Variants in CADM2 observed in about 807,000 individuals in gnomAD.
CADM2 encodes the protein cell adhesion molecule 2.
CADM2 carries 12 observed loss-of-function variants against 49.8 expected under a neutral mutation model. The ratio of observed to expected loss-of-function variants is 0.24; its 90% CI spans 0.15 to 0.39. CADM2 has a LOEUF of 0.39. Ranked by LOEUF, CADM2 falls within the 10% of genes least tolerant of loss-of-function variation. The pLI is 1.00. For missense variants in CADM2, 378 were observed against 492.3 expected (o/e 0.77, Z 2.20); for synonymous variants, 214 against 175.4 (o/e 1.22, Z -1.74).
At chr3:85,602,174 C>G (rs2063425541) in intron 1 of CADM2, among the ~76,000 whole-genome samples, 2 of 151,712 alleles carry the variant, frequency 1.3e-5, no homozygotes, top group Admixed American at 6.6e-5. Flanking sequence ...ACGGTTGAAG[C>G]TTTAAATAAA....
chr3:85,509,184 AAGTTCTT>A (rs2106826773), intron 1 of CADM2, among the ~76,000 whole-genome samples: 1 of 152,230 alleles, frequency 6.6e-6, no homozygotes, highest in South Asian at 2.1e-4. Flanking sequence ...AAACTTACCT[AAGTTCTT>A]TCCAATCTTA....
chr3:85,512,077 A>T (rs780912453), intron 1 of CADM2, among the ~76,000 whole-genome samples: 41 of 152,014 alleles, frequency 2.7e-4, no homozygotes, highest in Non-Finnish European at 4.6e-4. Context: ...ATGATGCTGA[A>T]TTTTGGAGTA....
intron 5 of CADM2, among the ~76,000 whole-genome samples, chr3:85,908,940 G>A (rs12493341): frequency 0.32 from 48,457 of 151,816 alleles, 8,898 homozygotes; most frequent in East Asian, 0.42. Flanking sequence ...TAGCCAGGAT[G>A]GTCTCGATAT....
At chr3:85,361,588 T>G (rs1408413374) in intron 1 of CADM2, among the ~76,000 whole-genome samples, 2 of 152,190 alleles carry the variant, frequency 1.3e-5, no homozygotes, top group Non-Finnish European at 2.9e-5. Context: ...GAAGCTTTTT[T>G]CTTCACTCCC....
chr3:85,733,433 C>T (rs905284190), intron 2 of CADM2, among the ~76,000 whole-genome samples: 4 of 152,176 alleles, frequency 2.6e-5, no homozygotes, highest in Admixed American at 2.0e-4. Context: ...TGCATTTGCT[C>T]TATGGATTAT....
intron 1 of CADM2, among the ~76,000 whole-genome samples, chr3:85,182,626 G>T (rs1293301320): frequency 2.0e-5 from 3 of 152,156 alleles, no homozygotes; most frequent in East Asian, 3.9e-4. Flanking sequence ...ATTTAATTTT[G>T]ATAAACATAC....
At chr3:85,098,211 G>A (rs187451573) in intron 1 of CADM2, among the ~76,000 whole-genome samples, 18 of 148,566 alleles carry the variant, frequency 1.2e-4, no homozygotes, top group African/African-American at 4.5e-4. Context: ...ATTACGGACT[G>A]AATTCCCAGA....
chr3:85,061,735 CAT>C (rs1291988163), intron 1 of CADM2, among the ~76,000 whole-genome samples: 3 of 152,028 alleles, frequency 2.0e-5, no homozygotes, highest in African/African-American at 7.2e-5. Context: ...CTGTGAAAAA[CAT>C]AGATACATAT....
At chr3:85,462,342 T>C (rs1040032593) in intron 1 of CADM2, among the ~76,000 whole-genome samples, 5 of 152,190 alleles carry the variant, frequency 3.3e-5, no homozygotes, top group African/African-American at 1.2e-4. Context: ...AAACCAAATT[T>C]CTAACTGCAC....
chr3:85,078,180 T>C (rs1470455167), intron 1 of CADM2, among the ~76,000 whole-genome samples: 1 of 152,052 alleles, frequency 6.6e-6, no homozygotes, highest in Non-Finnish European at 1.5e-5. Context: ...TTTGCATTTT[T>C]GTATCACTGC....
At chr3:86,055,091 A>C (rs536685530) in intron 8 of CADM2, among the ~76,000 whole-genome samples, 1 of 152,290 alleles carries the variant, frequency 6.6e-6, no homozygotes, top group African/African-American at 2.4e-5. Context: ...ATTTTAGCAT[A>C]TATTTTTTTC....
chr3:85,961,245 T>C (rs960425399), intron 7 of CADM2, among the ~76,000 whole-genome samples: 2 of 151,478 alleles, frequency 1.3e-5, no homozygotes, highest in African/African-American at 2.4e-5. Flanking sequence ...CAAATTAGTC[T>C]CTGAATACAT....
chr3:85,379,938 A>T (rs1209777690), intron 1 of CADM2, among the ~76,000 whole-genome samples: 1 of 152,012 alleles, frequency 6.6e-6, no homozygotes, highest in African/African-American at 2.4e-5. Flanking sequence ...AAAAATGCAC[A>T]TTCTACGCAA....
At chr3:85,445,582 A>G (rs958917789) in intron 1 of CADM2, among the ~76,000 whole-genome samples, 10 of 152,114 alleles carry the variant, frequency 6.6e-5, no homozygotes, top group Non-Finnish European at 2.9e-5. Context: ...AACTTGCATT[A>G]TTTATCTATG....
At chr3:85,874,741 C>G (rs914353967) in intron 3 of CADM2, among the ~76,000 whole-genome samples, 4 of 151,996 alleles carry the variant, frequency 2.6e-5, no homozygotes, top group African/African-American at 9.7e-5. Context: ...TGTAATGTGA[C>G]AAACACCTAG....
intron 1 of CADM2, among the ~76,000 whole-genome samples, chr3:85,239,510 AG>A (rs1233446279): frequency 6.6e-6 from 1 of 151,634 alleles, no homozygotes; most frequent in Non-Finnish European, 1.5e-5. Context: ...TGGATATATG[AG>A]GGACTTCATT....
chr3:85,638,188 G>A (rs4618235), intron 1 of CADM2, among the ~76,000 whole-genome samples: 120,142 of 152,026 alleles, frequency 0.79, 48,313 homozygotes, highest in African/African-American at 0.95. Flanking sequence ...GACAAAATGA[G>A]TAGCCTCTAG....
chr3:85,689,990 G>A (rs1020790880), intron 1 of CADM2, among the ~76,000 whole-genome samples: 2 of 152,162 alleles, frequency 1.3e-5, no homozygotes, highest in African/African-American at 4.8e-5. Flanking sequence ...CTGTATCTGG[G>A]CAAAATTACT....
chr3:85,207,880 A>G (rs2041688000), intron 1 of CADM2, among the ~76,000 whole-genome samples: 1 of 152,164 alleles, frequency 6.6e-6, no homozygotes, highest in African/African-American at 2.4e-5. Context: ...GGCATAAGAA[A>G]GCCCTCCTGT....
Sources: allele counts gnomAD v4.1 joint callset (sites outside exome capture counted in the v4.1 genomes callset), GRCh38; gene constraint gnomAD v4.1.1; transcripts MANE v1.5; gene names NCBI Gene and HGNC (gene_info 2026-07-23, HGNC 2026-07-21).